The following EEF1B2 variants were observed in gnomAD, a reference collection of about 807,000 sequenced individuals.
The protein encoded by EEF1B2 is elongation factor 1-beta.
Under a neutral mutation model 28.3 loss-of-function variants are expected in EEF1B2, and 12 were observed. The observed-to-expected ratio is 0.42, with a 90% CI of 0.27 to 0.69. The LOEUF is 0.69. EEF1B2 is among the 30% of genes least tolerant of loss of function. The probability of loss-of-function intolerance (pLI) is 0.22; values close to 1 mark genes in which losing one functional copy is unlikely to be tolerated. For missense variants in EEF1B2, 234 were observed against 272.6 expected, an observed-to-expected ratio of 0.86 and a Z score of 1.00; for synonymous variants, 83 against 99.9, an observed-to-expected ratio of 0.83 and a Z score of 1.01.
chr2:206,160,345 T>A (rs1319337816), intron 1 of EEF1B2, among the ~76,000 whole-genome samples: 1 of 152,138 alleles, frequency 6.6e-6, no homozygotes, highest in East Asian at 1.9e-4. Context: ...TGTTAAGCTG[T>A]AGATAGAGCA....
chr2:206,162,568 G>A lies in EEF1B2; in HGVS notation c.477G>A (p.Glu159=). The part of the protein sequence containing the change: ...WDDETDMAKL[E]ECVRSIQADG... ...ATGAGACAGATATGGCGAAATTAGA[G>A]GAGTGCGTCAGAAGCATTCAAGCAG... The change falls in exon 5 of 6, where the codon GAG becomes GAA. Residue 159 remains glutamate (E), a synonymous_variant. Coordinates refer to ENST00000392222, the MANE Select transcript of EEF1B2 (RefSeq NM_001959.4). 1.2e-6 allele frequency: 2 copies of A among 1,613,474 alleles called. No homozygotes were observed. The highest frequency in any genetic ancestry group is 1.7e-6 in the Non-Finnish European group (2 of 1,180,032).
At position 206,162,789 on chromosome 2, in the gene EEF1B2, A is replaced by G; in HGVS notation, c.584A>G (p.Asp195Gly). ...KKLQIQCVVE[D>G]DKVGTDMLEE... ...CTTCAAATACAGTGTGTAGTTGAAGATGATAAAGTTGGAACAGATATGCTG... is the reference window on the plus strand; with the variant it reads ...CTTCAAATACAGTGTGTAGTTGAAGGTGATAAAGTTGGAACAGATATGCTG... Residue 195 changes from aspartate to glycine, a missense_variant, in exon 6 of 6, where the codon GAT (aspartate) becomes GGT (glycine). By Grantham distance (94) the Asp-to-Gly change is moderately conservative. Around this residue, in one of 2 missense-constraint regions of EEF1B2, gnomAD observed 56 missense variants for 99.3 expected, o/e 0.56. Transcript: ENST00000392222. The G allele has an allele frequency of 1.9e-6, 3 of 1,611,352 alleles. No homozygotes were observed. The highest frequency in any genetic ancestry group is 2.5e-6 in the Non-Finnish European group (3 of 1,179,988).
intron 4 of EEF1B2, 191 bp from the exon 5 acceptor site, chr2:206,162,298 T>C: frequency 8.7e-7 from 1 of 1,143,096 alleles, no homozygotes; most frequent in South Asian, 1.2e-5. Flanking sequence ...AAAGAAACTG[T>C]TAACACAAAC....
intron 1 of EEF1B2, 120 bp downstream of exon 1, chr2:206,160,179 G>A: frequency 1.6e-6 from 2 of 1,289,532 alleles, no homozygotes; most frequent in East Asian, 2.6e-5. Flanking sequence ...GCCCTTTCGA[G>A]AGGGAGGGGA....
At chr2:206,160,256 C>T (rs1361650411) in intron 1 of EEF1B2, among the ~76,000 whole-genome samples, 197 bp downstream of exon 1, 1 of 152,218 alleles carries the variant, frequency 6.6e-6, no homozygotes, top group Admixed American at 6.5e-5. Context: ...GAGCGGTTCA[C>T]GAGCAAGGAA....
chr2:206,161,770 A>C (rs1044209849), intron 3 of EEF1B2: 1 of 337,484 alleles, frequency 3.0e-6, no homozygotes. Flanking sequence ...CTCCGTCCCA[A>C]AAAAAAAAAA....
chr2:206,162,684 CT>C, intron 5 of EEF1B2, 44 bp from the exon 6 acceptor site: 2 of 1,460,504 alleles, frequency 1.4e-6, no homozygotes, highest in Non-Finnish European at 1.8e-6. Context: ...TCAACCTTTC[CT>C]ACAAGACTTT....
chr2:206,162,227 C>G lies in EEF1B2; in HGVS notation c.397+123C>G, dbSNP rs768480936. 304 of 1,122,292 alleles carry G rather than the reference C, an allele frequency of 2.7e-4. 1 individual carries two copies. Among genetic ancestry groups the G allele is most frequent in the Non-Finnish European group, 3.0e-4 (221 of 732,606 alleles). 69.5% of individuals were successfully genotyped at this position (1,122,292 alleles called of 1,614,324 possible). A position where few individuals can be genotyped will look rare whatever the true frequency, so the allele number is the denominator to read the frequency against. Reference sequence around the variant, plus strand: ...CAATATTTTAAAACCTGTACAGGTTCTTCCACAGCTACTGGTCTGCAGCTG... The same window carrying G: ...CAATATTTTAAAACCTGTACAGGTTGTTCCACAGCTACTGGTCTGCAGCTG... On this transcript the variant is annotated intron_variant, in intron 4 of 5. Transcript: ENST00000392222.
Position 206,159,984 on chromosome 2 carries a change from G to C in EEF1B2, c.5G>C (p.Gly2Ala). Residue 2 changes from glycine (G) to alanine (A), a missense_variant, in exon 1 of 6, where the codon GGT (glycine) becomes GCT (alanine). Physicochemically the swap from Gly to Ala is moderately conservative, Grantham distance 60. Transcript: ENST00000392222. ...CTCTCGGATACAGCCGACACCATGG[G>C]TTTCGGAGACCTGAAAAGCCCTGCC... M[G>A]FGDLKSPAGL... The C allele has an allele frequency of 6.2e-7, 1 of 1,612,696 alleles. No homozygotes were observed. Among genetic ancestry groups the C allele is most frequent in the Non-Finnish European group, 8.5e-7 (1 of 1,179,686 alleles).
intron 2 of EEF1B2, 38 bp downstream of exon 2, chr2:206,160,748 G>GCT: frequency 6.2e-7 from 1 of 1,613,590 alleles, no homozygotes; most frequent in Non-Finnish European, 8.5e-7. Flanking sequence ...GAATAAGACT[G>GCT]CTCTCGAAGT....
intron 3 of EEF1B2, 78 bp downstream of exon 3, chr2:206,161,550 A>G (rs1687933303): frequency 6.3e-7 from 1 of 1,577,656 alleles, no homozygotes. Flanking sequence ...TGGGAGGCTG[A>G]GGCGGGTGGA....
In EEF1B2 at chr2:206,162,487, A is replaced by G; in HGVS notation, c.398-2A>G. ...TTGAATAATGCTGTTTATTGTTTTT[A>G]GAACCTGCACTTGTTGCCAAGTCTT... On this transcript the variant is annotated splice_acceptor_variant, in intron 4 of 5. Transcript: ENST00000392222. LOFTEE classifies it high-confidence loss of function. 6.2e-7 allele frequency: 1 copy of G among 1,612,356 alleles called. No homozygotes were observed. The highest frequency in any genetic ancestry group is 8.5e-7 in the Non-Finnish European group (1 of 1,179,742).
chr2:206,162,873 A>G lies in EEF1B2; in HGVS notation c.668A>G (p.Asn223Ser), dbSNP rs367579304. 1.3e-5 allele frequency: 21 copies of G among 1,592,824 alleles called. No homozygotes were observed. Among genetic ancestry groups the G allele is most frequent in the Non-Finnish European group, 1.6e-5 (19 of 1,177,814 alleles). Residue 223 changes from asparagine to serine, a missense_variant, in exon 6 of 6, where the codon AAC (asparagine) becomes AGC (serine). By Grantham distance (46) the Asn-to-Ser change is conservative. Around this residue, in one of 2 missense-constraint regions of EEF1B2, gnomAD observed 56 missense variants for 99.3 expected, o/e 0.56. Transcript: ENST00000392222. ...CAGTCCATGGATGTGGCTGCTTTCA[A>G]CAAGATCTAAAATCCATCCTGGATC... ...YVQSMDVAAFNKI is the reference protein window; with the variant it reads ...YVQSMDVAAFSKI
At position 206,161,496 on chromosome 2, in the gene EEF1B2, A is replaced by T. The variant is rs749581952; in HGVS notation, c.330+24A>T. ...AGGTATGGCGTCTTCTATAAAGAACATATCGGCCAGGCGCAGTGGCTCATG... is the reference window on the plus strand; with the variant it reads ...AGGTATGGCGTCTTCTATAAAGAACTTATCGGCCAGGCGCAGTGGCTCATG... On this transcript the variant is annotated intron_variant, in intron 3 of 5. Transcript: ENST00000392222. 3 of 1,612,272 alleles carry T rather than the reference A, an allele frequency of 1.9e-6. No homozygotes were observed. In the South Asian group the frequency reaches 3.3e-5, roughly 18 times the overall value.
chr2:206,160,794 G>A lies in EEF1B2; in HGVS notation c.203+84G>A, dbSNP rs1250840634. On this transcript the variant is annotated intron_variant, in intron 2 of 5. Transcript: ENST00000392222. ...GTTCACATGACAAAACTGGACCCAG[G>A]CTACTTTAGTTTTGTTGGGATATTG... 6 of 1,606,906 alleles carry A rather than the reference G, an allele frequency of 3.7e-6. No individual in the cohort carries two copies. The East Asian group carries it at 8.9e-5, about 24-fold the overall frequency.
intron 2 of EEF1B2, 195 bp downstream of exon 2, chr2:206,160,905 C>T (rs1559072964): frequency 1.1e-6 from 1 of 884,814 alleles, no homozygotes; most frequent in Admixed American, 2.0e-5. Flanking sequence ...TGGACAGCAG[C>T]AATTCAACTT....
At chr2:206,161,769 A>C (rs74475124) in intron 3 of EEF1B2, 13 of 165,356 alleles carry the variant, frequency 7.9e-5, no homozygotes, top group East Asian at 2.9e-4. Flanking sequence ...ACTCCGTCCC[A>C]AAAAAAAAAA....
chr2:206,161,417 C>G lies in EEF1B2; in HGVS notation c.275C>G (p.Ala92Gly), dbSNP rs769424047. 7.4e-6 allele frequency: 12 copies of G among 1,613,908 alleles called. No homozygotes were observed. The East Asian group carries it at 2.5e-4, about 33-fold the overall frequency. ...ADVEDTTGSG[A>G]TDSKDDDDID... Reference sequence around the variant, plus strand: ...GTGGAAGACACTACAGGAAGTGGAGCTACAGATAGTAAAGATGATGATGAC... The same window carrying G: ...GTGGAAGACACTACAGGAAGTGGAGGTACAGATAGTAAAGATGATGATGAC... Residue 92 changes from alanine to glycine, a missense_variant, in exon 3 of 6, where the codon GCT (alanine) becomes GGT (glycine). Physicochemically the swap from Ala to Gly is moderately conservative, Grantham distance 60 (BLOSUM62 0). Coordinates refer to ENST00000392222, the MANE Select transcript of EEF1B2 (RefSeq NM_001959.4).
chr2:206,159,806 A>C (rs1386137552), upstream of EEF1B2: 1 of 616,800 alleles, frequency 1.6e-6, no homozygotes, highest in Non-Finnish European at 2.8e-6. Flanking sequence ...GTGGGAATGC[A>C]AAAGTACTTT....
Sources: allele counts gnomAD v4.1 joint callset (sites outside exome capture counted in the v4.1 genomes callset), GRCh38; gene constraint gnomAD v4.1.1; regional missense constraint gnomAD v4.1.1; transcripts MANE v1.5; gene names NCBI Gene and HGNC (gene_info 2026-07-23, HGNC 2026-07-21).